Variants in BTBD9 observed in about 807,000 individuals in gnomAD.
BTBD9 encodes BTB/POZ domain-containing protein 9.
BTBD9 carries 49 observed loss-of-function variants against 64.3 expected under a neutral mutation model. The ratio of observed to expected loss-of-function variants is 0.76; its 90% CI spans 0.61 to 0.97. The LOEUF is 0.97. Among genes scored for constraint, BTBD9 ranks in the 50% least tolerant of loss-of-function variants. BTBD9 has a pLI of 0.00. For missense variants in BTBD9, 598 were observed against 762.1 expected, an observed-to-expected ratio of 0.78 and a Z score of 2.53; for synonymous variants, 260 against 274.7, an observed-to-expected ratio of 0.95 and a Z score of 0.53.
Position 38,553,768 on chromosome 6 carries a change from A to C in BTBD9, c.1154+23832T>G, listed in dbSNP as rs1050940510. On this transcript the variant is annotated intron_variant, in intron 6 of 10. Transcript: ENST00000481247. ...CTTGGGAGGCTGAGGTGGGAAGATC[A>C]GTAGAGCCCAGCAGTTCAAGGCTGC... Among the ~76,000 whole-genome samples the C allele has an allele frequency of 2.0e-5, 3 of 152,098 alleles. No homozygotes were observed. The South Asian group carries it at 6.2e-4, about 32-fold the overall frequency.
At chr6:38,228,644 G>A (rs979570030) in intron 9 of BTBD9, among the ~76,000 whole-genome samples, 5 of 151,874 alleles carry the variant, frequency 3.3e-5, no homozygotes, top group African/African-American at 7.3e-5. Context: ...GGGAGGCCGA[G>A]GTGGGTAGAT....
At chr6:38,615,121 T>C (rs181010595) in intron 1 of BTBD9, among the ~76,000 whole-genome samples, 18 of 152,342 alleles carry the variant, frequency 1.2e-4, no homozygotes, top group Non-Finnish European at 2.5e-4. Context: ...AGTTGATCCC[T>C]TGTTGGGACC....
intron 9 of BTBD9, among the ~76,000 whole-genome samples, chr6:38,210,102 C>T (rs1035381630): frequency 2.6e-5 from 4 of 152,092 alleles, no homozygotes; most frequent in African/African-American, 4.8e-5. Flanking sequence ...TAATGCTCGA[C>T]GTCTCACTCA....
intron 4 of BTBD9, among the ~76,000 whole-genome samples, chr6:38,590,839 T>G (rs930128153): frequency 6.6e-6 from 1 of 152,196 alleles, no homozygotes; most frequent in Non-Finnish European, 1.5e-5. Flanking sequence ...TCTGGCTTCT[T>G]AGATTTGATA....
At chr6:38,427,009 ATTC>A (rs956061693) in intron 6 of BTBD9, among the ~76,000 whole-genome samples, 1 of 151,678 alleles carries the variant, frequency 6.6e-6, no homozygotes, top group African/African-American at 2.4e-5. Flanking sequence ...CCAGGTAGCG[ATTC>A]TACGTTCTGT....
At chr6:38,186,297 C>A (rs1270952672) in intron 10 of BTBD9, among the ~76,000 whole-genome samples, 1 of 152,220 alleles carries the variant, frequency 6.6e-6, no homozygotes, top group East Asian at 1.9e-4. Flanking sequence ...TGGAAGATAA[C>A]CTGGCACACA....
intron 7 of BTBD9, among the ~76,000 whole-genome samples, chr6:38,331,826 T>C (rs1763685697): frequency 6.6e-6 from 1 of 152,194 alleles, no homozygotes; most frequent in Admixed American, 6.5e-5. Flanking sequence ...ATCACTGCAC[T>C]CTAGCCTGGG....
At chr6:38,430,604 C>T (rs56087077) in intron 6 of BTBD9, among the ~76,000 whole-genome samples, 5,845 of 151,908 alleles carry the variant, frequency 0.038, 491 homozygotes, top group African/African-American at 0.13. Flanking sequence ...CAGCCTTGAA[C>T]TTCTGGGCTC....
At chr6:38,573,576 G>T (rs1480990251) in intron 6 of BTBD9, among the ~76,000 whole-genome samples, 1 of 151,976 alleles carries the variant, frequency 6.6e-6, no homozygotes. Context: ...CTCTCTCAAC[G>T]GGCATAACCT....
At chr6:38,573,132 C>T (rs1420354026) in intron 6 of BTBD9, among the ~76,000 whole-genome samples, 1 of 151,978 alleles carries the variant, frequency 6.6e-6, no homozygotes. Flanking sequence ...TTAAAAGATA[C>T]TTTAACTCAC....
chr6:38,486,927 T>C (rs1459151550), intron 6 of BTBD9, among the ~76,000 whole-genome samples: 2 of 152,180 alleles, frequency 1.3e-5, no homozygotes, highest in Admixed American at 1.3e-4. Context: ...CTTGAAATGG[T>C]CAGATAGTTG....
Position 38,344,971 on chromosome 6 carries a change from T to C in BTBD9, c.1264+13A>G, listed in dbSNP as rs766475743. On this transcript the variant is annotated intron_variant, in intron 7 of 10. Transcript: ENST00000481247. ...TCCAAATATACATACAAAAATCTAA[T>C]GGTAATACTTACCTATCAGCCCCTT... 41 of 1,483,882 alleles carry C rather than the reference T, an allele frequency of 2.8e-5. No homozygotes were observed. Among genetic ancestry groups the C allele is most frequent in the East Asian group, 2.3e-5 (1 of 43,992 alleles). The allele number at this position is 1,483,882 out of a possible 1,614,324, so 91.9% of individuals were successfully genotyped here.
At chr6:38,605,812 T>C (rs1255354117) in intron 1 of BTBD9, among the ~76,000 whole-genome samples, 2 of 152,144 alleles carry the variant, frequency 1.3e-5, no homozygotes, top group Non-Finnish European at 1.5e-5. Context: ...AGCAAGACCC[T>C]GTGTGATGGT....
chr6:38,284,232 T>C lies in BTBD9; in HGVS notation c.1454+4040A>G, dbSNP rs553431202. ...CTTAAGGAAGTTGGAGGCTTCATACTGTGCTGAGATACACAATTCTGCCTT... is the reference window on the plus strand; with the variant it reads ...CTTAAGGAAGTTGGAGGCTTCATACCGTGCTGAGATACACAATTCTGCCTT... On this transcript the variant is annotated intron_variant, in intron 8 of 10. Coordinates refer to ENST00000481247, the MANE Select transcript of BTBD9 (RefSeq NM_001099272.2). Among the ~76,000 whole-genome samples the C allele has an allele frequency of 1.0e-3, 158 of 152,296 alleles. 1 individual carries two copies. Among genetic ancestry groups the C allele is most frequent in the African/African-American group, 3.8e-3 (156 of 41,554 alleles).
chr6:38,295,154 A>C (rs1242463148), intron 7 of BTBD9, among the ~76,000 whole-genome samples: 2 of 151,970 alleles, frequency 1.3e-5, no homozygotes, highest in Non-Finnish European at 2.9e-5. Context: ...TTCCCTTTTC[A>C]AAAAAATTCT....
chr6:38,342,493 GCCACTGC>G (rs1370725572), intron 7 of BTBD9, among the ~76,000 whole-genome samples: 1 of 142,328 alleles, frequency 7.0e-6, no homozygotes, highest in Non-Finnish European at 1.5e-5. Flanking sequence ...GCAAGATTGT[GCCACTGC>G]ACTCCAGCCT....
intron 9 of BTBD9, among the ~76,000 whole-genome samples, chr6:38,249,805 T>C (rs1764330855): frequency 6.8e-6 from 1 of 147,176 alleles, no homozygotes; most frequent in Non-Finnish European, 1.5e-5. Flanking sequence ...AAAAAGAGTA[T>C]ATAAGACTCA....
chr6:38,518,696 A>C (rs1490077085), intron 6 of BTBD9, among the ~76,000 whole-genome samples: 1 of 152,200 alleles, frequency 6.6e-6, no homozygotes, highest in Non-Finnish European at 1.5e-5. Context: ...GACATGTATA[A>C]TACTTCCTTA....
At chr6:38,534,906 T>C (rs1291745913) in intron 6 of BTBD9, among the ~76,000 whole-genome samples, 1 of 152,076 alleles carries the variant, frequency 6.6e-6, no homozygotes, top group Non-Finnish European at 1.5e-5. Flanking sequence ...GACATGCAAC[T>C]AGTATCATAC....
Sources: gnomAD v4.1 joint callset for allele counts (sites outside exome capture counted in the v4.1 genomes callset) on GRCh38, gnomAD v4.1.1 for gene constraint, MANE v1.5 for transcripts, NCBI Gene and HGNC (gene_info 2026-07-23, HGNC 2026-07-21) for gene names.